IZUMO3: variants seen among roughly 807,000 people sequenced by gnomAD.
IZUMO3 encodes IZUMO family member 3.
Under a neutral mutation model 28.4 loss-of-function variants are expected in IZUMO3, and 36 were observed. That is an observed-to-expected ratio of 1.27 (90% CI 0.97 to 1.67). The LOEUF is 1.67. Among genes scored for constraint, IZUMO3 ranks in the 40% most tolerant of loss-of-function variants. The pLI, the probability that IZUMO3 is intolerant of heterozygous loss-of-function variation, is 0.00. For missense variants in IZUMO3, 387 were observed against 278.5 expected, an observed-to-expected ratio of 1.39 and a Z score of -2.77; for synonymous variants, 126 against 99.2, an observed-to-expected ratio of 1.27 and a Z score of -1.61.
Position 24,545,418 on chromosome 9 carries a change from C to T in IZUMO3, c.226+6G>A, listed in dbSNP as rs542505878. 1.9e-6 allele frequency: 3 copies of T among 1,541,370 alleles called. No homozygotes were observed. The African/African-American group carries it at 4.1e-5, about 21-fold the overall frequency. ...CTGGACTCTCAGGAACTCAAGCTTC[C>T]CTCACCCAACACCCGAAGCCTCTTG... On this transcript the variant is annotated splice_donor_region_variant and intron_variant, in intron 1 of 6. Coordinates refer to ENST00000543880, the MANE Select transcript of IZUMO3 (RefSeq NM_001365008.2).
rs1211322197 is a variant in IZUMO3, at chr9:24,543,457, T to G, written c.582-90A>C. ...TACATTGTTTTTTTTTTTTTTTTTTTTTTTTTTTTTTTTTTGCTGGATACT... is the reference window on the plus strand; with the variant it reads ...TACATTGTTTTTTTTTTTTTTTTTTGTTTTTTTTTTTTTTTGCTGGATACT... On this transcript the variant is annotated intron_variant, in intron 6 of 6. Coordinates refer to ENST00000543880, the MANE Select transcript of IZUMO3 (RefSeq NM_001365008.2). 2.0e-5 allele frequency: 18 copies of G among 912,050 alleles called. No homozygotes were observed. The African/African-American group carries it at 2.4e-4, about 12-fold the overall frequency. The allele number at this position is 912,050 out of a possible 1,614,324, so 56.5% of individuals were successfully genotyped here.
At chr9:24,545,108 C>T (rs1819560463) in intron 2 of IZUMO3, 47 bp from the exon 3 acceptor site, 10 of 1,476,012 alleles carry the variant, frequency 6.8e-6, no homozygotes, top group Admixed American at 2.0e-5. Context: ...TAGCTCTTCC[C>T]TTCAGAAGTT....
chr9:24,545,771 C>A lies in IZUMO3; in HGVS notation c.-122G>T. 6.5e-7 allele frequency: 1 copy of A among 1,534,122 alleles called. No homozygotes were observed. The highest frequency in any genetic ancestry group is 8.8e-7 in the Non-Finnish European group (1 of 1,140,490). ...CTGGATAGTCTGACTCCACTTTTCCCGCTGTTTCCATCCCACTATCGGGCA... is the reference window on the plus strand; with the variant it reads ...CTGGATAGTCTGACTCCACTTTTCCAGCTGTTTCCATCCCACTATCGGGCA... On this transcript the variant is annotated 5_prime_UTR_variant, in exon 1 of 7. Coordinates refer to ENST00000543880, the MANE Select transcript of IZUMO3 (RefSeq NM_001365008.2).
intron 4 of IZUMO3, 88 bp downstream of exon 4, chr9:24,544,655 A>G: frequency 8.6e-7 from 1 of 1,165,348 alleles, no homozygotes; most frequent in Non-Finnish European, 1.2e-6. Context: ...TTCCCAGTGT[A>G]ACAGGTGGGA....
chr9:24,543,764 G>A lies in IZUMO3; in HGVS notation c.491-10C>T, dbSNP rs1290255162. The A allele has an allele frequency of 1.3e-6, 2 of 1,512,584 alleles. No homozygotes were observed. Among genetic ancestry groups the A allele is most frequent in the East Asian group, 2.5e-5 (1 of 40,680 alleles). The allele number at this position is 1,512,584 out of a possible 1,614,324, so 93.7% of individuals were successfully genotyped here. On this transcript the variant is annotated splice_polypyrimidine_tract_variant and intron_variant, in intron 5 of 6. Coordinates refer to ENST00000543880, the MANE Select transcript of IZUMO3 (RefSeq NM_001365008.2). ...TTTCTTGGATCCTCGTCTGGAAGGA[G>A]AAACAGGAAAATATGAAAGTGAGTT...
intron 5 of IZUMO3, 49 bp downstream of exon 5, chr9:24,544,152 G>A (rs1205453770): frequency 1.6e-6 from 2 of 1,263,230 alleles, no homozygotes. Context: ...GAGCAACCCT[G>A]CTCCTTAATC....
chr9:24,545,267 C>G lies in IZUMO3; in HGVS notation c.246G>C (p.Lys82Asn), dbSNP rs181473569. 6.5e-6 allele frequency: 10 copies of G among 1,550,344 alleles called. No individual in the cohort carries two copies. The Admixed American group carries it at 2.0e-4, about 30-fold the overall frequency. The change falls in exon 2 of 7, where the codon AAG becomes AAC. Residue 82 changes from lysine (K) to asparagine (N), a missense_variant. By Grantham distance (94) the Lys-to-Asn change is moderately conservative. Coordinates refer to ENST00000543880, the MANE Select transcript of IZUMO3 (RefSeq NM_001365008.2). ...LRVLAVQQVVKLRTWLKNEFY... is the reference protein window; with the variant it reads ...LRVLAVQQVVNLRTWLKNEFY... ...ATTCATTCTTCAACCATGTTCTCAA[C>G]TTAACAACCTGCTGAACAGCTAGAG...
intron 2 of IZUMO3, 68 bp from the exon 3 acceptor site, chr9:24,545,129 G>A: frequency 6.7e-7 from 1 of 1,485,022 alleles, no homozygotes; most frequent in Non-Finnish European, 9.2e-7. Flanking sequence ...AATTATGTCT[G>A]TTTTTATCTT....
rs563298819 is a variant in IZUMO3, at chr9:24,543,668, A to T, written c.577T>A (p.Leu193Ile). The change falls in exon 6 of 7, where the codon TTA becomes ATA. Residue 193 changes from leucine (L) to isoleucine (I), a missense_variant. Coordinates refer to ENST00000543880, the MANE Select transcript of IZUMO3 (RefSeq NM_001365008.2). ...ATTTGGAGAGAAGAAACTCACAGTAACACAGCACTTCCCAGTATTACAGCT... is the reference window on the plus strand; with the variant it reads ...ATTTGGAGAGAAGAAACTCACAGTATCACAGCACTTCCCAGTATTACAGCT... ...ATAVILGSAVLLFHFCIFHRR... is the reference protein window; with the variant it reads ...ATAVILGSAVILFHFCIFHRR... The T allele has an allele frequency of 3.2e-4, 500 of 1,542,576 alleles. No homozygotes were observed. Among genetic ancestry groups the T allele is most frequent in the Non-Finnish European group, 4.1e-4 (473 of 1,140,168 alleles).
At position 24,545,037 on chromosome 9, in the gene IZUMO3, A is replaced by G. The variant is rs1223109574; in HGVS notation, c.326T>C (p.Leu109Pro). Residue 109 changes from leucine (L) to proline (P), a missense_variant, in exon 3 of 7, where the codon CTT becomes CCT. Physicochemically the swap from Leu to Pro is moderately conservative, Grantham distance 98 (BLOSUM62 -3). Transcript: ENST00000543880. ...TTCCAGGTTTTGGCAGACATCGAGAAGCTTGCCTTGATAGATAAAGACACC... is the reference window on the plus strand; with the variant it reads ...TTCCAGGTTTTGGCAGACATCGAGAGGCTTGCCTTGATAGATAAAGACACC... ...WKGVFIYQGK[L>P]LDVCQNLESK... 3 of 1,550,520 alleles carry G rather than the reference A, an allele frequency of 1.9e-6. No individual in the cohort carries two copies. Among genetic ancestry groups the G allele is most frequent in the Non-Finnish European group, 2.6e-6 (3 of 1,146,774 alleles).
rs1819541051 is a variant in IZUMO3 at position 24,544,658 on chromosome 9, A to G, written c.409+85T>C. Reference sequence around the variant, plus strand: ...CTAGGAATTGGTTTCCCAGTGTAACAGGTGGGAGAGATAGGGCCATATAGA... The same window carrying G: ...CTAGGAATTGGTTTCCCAGTGTAACGGGTGGGAGAGATAGGGCCATATAGA... On this transcript the variant is annotated intron_variant, in intron 4 of 6. Coordinates refer to ENST00000543880, the MANE Select transcript of IZUMO3 (RefSeq NM_001365008.2). The G allele has an allele frequency of 1.4e-5, 17 of 1,182,952 alleles. No individual in the cohort carries two copies. The South Asian group carries it at 2.3e-4, about 16-fold the overall frequency. 73.3% of individuals were successfully genotyped at this position (1,182,952 alleles called of 1,614,324 possible). A position where few individuals can be genotyped will look rare whatever the true frequency, so the allele number is the denominator to read the frequency against.
At chr9:24,543,892 AC>A (rs1417984855) in intron 5 of IZUMO3, 138 bp from the exon 6 acceptor site, 5 of 650,032 alleles carry the variant, frequency 7.7e-6, no homozygotes, top group Non-Finnish European at 1.3e-5. Flanking sequence ...GCTTATTTTG[AC>A]CTTTATTACT....
At chr9:24,544,069 A>G in intron 5 of IZUMO3, 132 bp downstream of exon 5, 1 of 691,224 alleles carries the variant, frequency 1.4e-6, no homozygotes, top group Non-Finnish European at 2.5e-6. Context: ...CCCTAGCTCC[A>G]TTTTGTAACA....
Position 24,543,695 on chromosome 9 carries a change from T to C in IZUMO3, c.550A>G (p.Thr184Ala). The change falls in exon 6 of 7, where the codon ACA becomes GCA. Residue 184 changes from threonine to alanine, a missense_variant. Coordinates refer to ENST00000543880, the MANE Select transcript of IZUMO3 (RefSeq NM_001365008.2). ...EIALFLILLA[T>A]AVILGSAVLL... The stretch of plus-strand genomic sequence containing the variant: ...ACAGCACTTCCCAGTATTACAGCTG[T>C]TGCCAGCAATATGAGAAATAGAGCA... 2 of 1,549,414 alleles carry C rather than the reference T, an allele frequency of 1.3e-6. No individual in the cohort carries two copies. Among genetic ancestry groups the C allele is most frequent in the East Asian group, 2.4e-5 (1 of 40,874 alleles).
Position 24,545,627 on chromosome 9 carries a change from A to G in IZUMO3, c.23T>C (p.Leu8Pro), listed in dbSNP as rs1238232415. 1 of 1,535,332 alleles carries G rather than the reference A, an allele frequency of 6.5e-7. No individual in the cohort carries two copies. The change falls in exon 1 of 7, where the codon CTG becomes CCG. Residue 8 changes from leucine (L) to proline (P), a missense_variant. Coordinates refer to ENST00000543880, the MANE Select transcript of IZUMO3 (RefSeq NM_001365008.2). ...ATGGAAGGCTGAGAGGGGCAGGAGC[A>G]GGAATAACCACAGGTCACCCATTTC... MGDLWLF[L>P]LLPLSAFHGV...
At chr9:24,543,639 G>A (rs1430750302) in intron 6 of IZUMO3, 25 bp downstream of exon 6, 1 of 1,468,694 alleles carries the variant, frequency 6.8e-7, no homozygotes, top group Non-Finnish European at 9.3e-7. Context: ...TTGACCCAGT[G>A]TTTATTTGGA....
At chr9:24,545,141 G>C in intron 2 of IZUMO3, 71 bp downstream of exon 2, 1 of 1,501,470 alleles carries the variant, frequency 6.7e-7, no homozygotes, top group Non-Finnish European at 9.1e-7. Flanking sequence ...TTTTATCTTT[G>C]TTTTCCCCAG....
Position 24,543,104 on chromosome 9 carries a change from C to CG in IZUMO3, c.*124_*125insC, listed in dbSNP as rs1422092468. ...AATAAGCATTTTCATTAGAGAAACTCTAAGTTCTATTTCAGTTTTAAAATA... is the reference window on the plus strand; with the variant it reads ...AATAAGCATTTTCATTAGAGAAACTCGTAAGTTCTATTTCAGTTTTAAAATA... On this transcript the variant is annotated 3_prime_UTR_variant, in exon 7 of 7. Transcript: ENST00000543880. The CG allele has an allele frequency of 2.7e-6, 2 of 743,528 alleles. No homozygotes were observed. The highest frequency in any genetic ancestry group is 3.6e-5 in the African/African-American group (2 of 55,072). 46.1% of individuals were successfully genotyped at this position (743,528 alleles called of 1,614,324 possible). A position where few individuals can be genotyped will look rare whatever the true frequency, so the allele number is the denominator to read the frequency against.
chr9:24,545,893 G>T lies in IZUMO3; in HGVS notation c.-244C>A, dbSNP rs575882179. The T allele has an allele frequency of 8.6e-5, 127 of 1,482,968 alleles. No individual in the cohort carries two copies. The South Asian group carries it at 1.4e-3, about 16-fold the overall frequency. The allele number at this position is 1,482,968 out of a possible 1,614,324, so 91.9% of individuals were successfully genotyped here. The stretch of plus-strand genomic sequence containing the variant: ...TGCCAGCTGGGGAGCGGATACCTGA[G>T]TTCTGAGTGTAGAACACCAAGAGAT... On this transcript the variant is annotated 5_prime_UTR_variant, in exon 1 of 7. Transcript: ENST00000543880.
Sources: allele counts gnomAD v4.1 joint callset, GRCh38; gene constraint gnomAD v4.1.1; transcripts MANE v1.5; gene names NCBI Gene and HGNC (gene_info 2026-07-23, HGNC 2026-07-21).